ACER1: variants seen among roughly 807,000 people sequenced by gnomAD.
ACER1 encodes CTB-180A7.3.
ACER1 carries 28 observed loss-of-function variants against 24.9 expected under a neutral mutation model. The ratio of observed to expected loss-of-function variants is 1.13; its 90% confidence interval spans 0.83 to 1.54. The LOEUF is 1.54. Ranked by LOEUF, ACER1 falls within the 40% of genes most tolerant of loss-of-function variation. The pLI, the probability that ACER1 is intolerant of heterozygous loss-of-function variation, is 0.00. For synonymous variants in ACER1, 132 were observed against 131.4 expected, an observed-to-expected ratio of 1.00 and a Z score of -0.03; for missense variants, 352 against 349.3, an observed-to-expected ratio of 1.01 and a Z score of -0.06.
intron 1 of ACER1, among the ~76,000 whole-genome samples, chr19:6,331,751 G>A (rs1036267675): frequency 1.3e-5 from 2 of 151,518 alleles, no homozygotes; most frequent in African/African-American, 2.4e-5. Flanking sequence ...CCGAGATCGC[G>A]CCATTACATT....
the ACER1 span, among the ~76,000 whole-genome samples, chr19:6,343,367 A>G: frequency 2.0e-5 from 3 of 152,144 alleles, no homozygotes; most frequent in Non-Finnish European, 4.4e-5. Context: ...TGATGCCTCC[A>G]TCCCAGCATG....
In ACER1 at chr19:6,312,276, A is replaced by G. The variant is rs1266198449; in HGVS notation, c.223T>C (p.Tyr75His). The stretch of plus-strand genomic sequence containing the variant: ...AGGAAGCTGAGCGTCATGTGGAAAT[A>G]CATGGAGAACAGGCCTGCAGCGGCA... ...LFMIIGLFSM[Y>H]FHMTLSFLGQ... The change falls in exon 3 of 6, where the codon TAT becomes CAT. Residue 75 changes from tyrosine (Y) to histidine (H), a missense_variant. Coordinates refer to ENST00000301452, the MANE Select transcript of ACER1 (RefSeq NM_133492.3). 6.2e-7 allele frequency: 1 copy of G among 1,614,100 alleles called. No homozygotes were observed. The highest frequency in any genetic ancestry group is 8.5e-7 in the Non-Finnish European group (1 of 1,179,986).
the ACER1 span, among the ~76,000 whole-genome samples, chr19:6,354,645 T>C: frequency 2.0e-5 from 3 of 152,144 alleles, no homozygotes; most frequent in Non-Finnish European, 4.4e-5. Flanking sequence ...ATGGGCTGAG[T>C]GCAGTGGCTC....
chr19:6,347,109 A>AAAAAAAAAAAAAAAAAAAAAAAAT, the ACER1 span, among the ~76,000 whole-genome samples: 1 of 113,822 alleles, frequency 8.8e-6, no homozygotes, highest in African/African-American at 5.1e-5. Flanking sequence ...AAAAAAAAAA[A>AAAAAAAAAAAAAAAAAAAAAAAAT]ATATATATAT....
chr19:6,339,198 GGATT>G, the ACER1 span, among the ~76,000 whole-genome samples: 1 of 152,034 alleles, frequency 6.6e-6, no homozygotes, highest in African/African-American at 2.4e-5. Flanking sequence ...TTTTATAAAG[GGATT>G]GATTTAGATT....
At chr19:6,338,946 C>T in the ACER1 span, among the ~76,000 whole-genome samples, 1 of 149,524 alleles carries the variant, frequency 6.7e-6, no homozygotes, top group Non-Finnish European at 1.5e-5. Flanking sequence ...GGTGCAATCT[C>T]GGCTCACTGC....
the ACER1 span, among the ~76,000 whole-genome samples, chr19:6,356,447 G>C: frequency 1.3e-5 from 2 of 149,262 alleles, no homozygotes; most frequent in Non-Finnish European, 3.0e-5. Context: ...CCCTCTGCGA[G>C]AAACACCCAA....
At chr19:6,311,859 A>G (rs1281423606) in intron 3 of ACER1, among the ~76,000 whole-genome samples, 1 of 151,944 alleles carries the variant, frequency 6.6e-6, no homozygotes, top group African/African-American at 2.4e-5. Context: ...AAGTGTAGAC[A>G]TGAGGTCCTG....
In ACER1 at chr19:6,306,607, G is replaced by A; in HGVS notation, c.*107C>T. 15 of 1,353,556 alleles carry A rather than the reference G, an allele frequency of 1.1e-5. No individual in the cohort carries two copies. The highest frequency in any genetic ancestry group is 1.5e-5 in the Non-Finnish European group (15 of 993,540). 83.8% of individuals were successfully genotyped at this position (1,353,556 alleles called of 1,614,324 possible). A position where few individuals can be genotyped will look rare whatever the true frequency, so the allele number is the denominator to read the frequency against. ...CAAGGAGGACACGGAAGGGGAAACA[G>A]AGGAAGGAACCACGAGTGTCCCGCA... On this transcript the variant is annotated 3_prime_UTR_variant, in exon 6 of 6. Transcript: ENST00000301452.
intron 1 of ACER1, among the ~76,000 whole-genome samples, chr19:6,325,339 T>C (rs1209046328): frequency 9.2e-5 from 14 of 152,194 alleles, no homozygotes; most frequent in Non-Finnish European, 1.0e-4. Context: ...CACTATTTCC[T>C]GCCAGGCTGT....
chr19:6,327,288 G>A (rs2091665948), intron 1 of ACER1, among the ~76,000 whole-genome samples: 1 of 152,198 alleles, frequency 6.6e-6, no homozygotes, highest in African/African-American at 2.4e-5. Context: ...AAAATTAGCT[G>A]GGGATGGTGG....
chr19:6,347,109 A>AAAAAAAAATATATATATATATAT, the ACER1 span, among the ~76,000 whole-genome samples: 7 of 113,766 alleles, frequency 6.2e-5, no homozygotes, highest in African/African-American at 3.0e-4. Flanking sequence ...AAAAAAAAAA[A>AAAAAAAAATATATATATATATAT]ATATATATAT....
chr19:6,331,615 G>A (rs1279067507), intron 1 of ACER1, among the ~76,000 whole-genome samples: 1 of 151,740 alleles, frequency 6.6e-6, no homozygotes, highest in Admixed American at 6.6e-5. Flanking sequence ...CCAACATGGT[G>A]AAACCCTGTC....
chr19:6,341,875 T>C, the ACER1 span, among the ~76,000 whole-genome samples: 8,586 of 152,246 alleles, frequency 0.056, 402 homozygotes, highest in African/African-American at 0.13. Flanking sequence ...ATAATCTGCC[T>C]GCCTTGGCCT....
upstream of ACER1, among the ~76,000 whole-genome samples, chr19:6,337,675 T>C (rs1399247318): frequency 2.0e-4 from 17 of 84,994 alleles, no homozygotes; most frequent in South Asian, 9.3e-4. Flanking sequence ...TTTTTTTTTT[T>C]TTTTTTTTTT....
chr19:6,316,911 A>C (rs2091605809), intron 1 of ACER1, among the ~76,000 whole-genome samples: 1 of 151,762 alleles, frequency 6.6e-6, no homozygotes, highest in East Asian at 1.9e-4. Context: ...TATACAAACA[A>C]AAGAAAAACA....
At chr19:6,312,884 C>T (rs2091588906) in intron 1 of ACER1, among the ~76,000 whole-genome samples, 1 of 151,940 alleles carries the variant, frequency 6.6e-6, no homozygotes. Context: ...ACCATGTTGG[C>T]CAGGCTGCTC....
chr19:6,323,306 G>A (rs1305311937), intron 1 of ACER1, among the ~76,000 whole-genome samples: 1 of 151,668 alleles, frequency 6.6e-6, no homozygotes, highest in African/African-American at 2.4e-5. Context: ...TGTAGTCCCA[G>A]CTACTTGGGA....
rs1301796223 is a variant in ACER1 at position 6,312,185 on chromosome 19, G to A, written c.314C>T (p.Pro105Leu). 2.5e-6 allele frequency: 4 copies of A among 1,613,758 alleles called. No homozygotes were observed. The highest frequency in any genetic ancestry group is 3.4e-6 in the Non-Finnish European group (4 of 1,179,838). ...AAGGAAGGAGGGGAAATAGCAGCGG[G>A]GCATCCATATGCTATAGCCACTGCC... ...LLGSGYSIWM[P>L]RCYFPSFLGG... The change falls in exon 3 of 6, where the codon CCC becomes CTC. Residue 105 changes from proline (P) to leucine (L), a missense_variant. Pro to Leu is a moderately conservative substitution (Grantham distance 98). Transcript: ENST00000301452.
Sources: gnomAD v4.1 joint callset for allele counts (sites outside exome capture counted in the v4.1 genomes callset) on GRCh38, gnomAD v4.1.1 for gene constraint, MANE v1.5 for transcripts, NCBI Gene and HGNC (gene_info 2026-07-23, HGNC 2026-07-21) for gene names.